DPP10: variants seen among roughly 807,000 people sequenced by gnomAD.
The protein encoded by DPP10 is dipeptidyl peptidase like 10, also known as inactive dipeptidyl peptidase 10.
Under a neutral mutation model 120.9 loss-of-function variants are expected in DPP10, and 33 were observed. That is an observed-to-expected ratio of 0.27 (90% CI 0.21 to 0.37). The LOEUF is 0.37. Ranked by LOEUF, DPP10 falls within the 10% of genes least tolerant of loss-of-function variation. The pLI is 1.00. For missense variants in DPP10, 816 were observed against 942.8 expected, an observed-to-expected ratio of 0.87 and a Z score of 1.76; for synonymous variants, 337 against 326.1, an observed-to-expected ratio of 1.03 and a Z score of -0.36.
At chr2:115,335,898 C>G (rs950536694) in intron 2 of DPP10, among the ~76,000 whole-genome samples, 2 of 151,940 alleles carry the variant, frequency 1.3e-5, no homozygotes, top group African/African-American at 4.8e-5. Context: ...GGGAGAATCA[C>G]GTGAGTAGAA....
At chr2:114,995,757 C>T (rs1701039900) in intron 1 of DPP10, among the ~76,000 whole-genome samples, 2 of 152,302 alleles carry the variant, frequency 1.3e-5, no homozygotes, top group South Asian at 2.1e-4. Context: ...TTAGTAAACA[C>T]ATTAGGTCTG....
intron 11 of DPP10, among the ~76,000 whole-genome samples, chr2:115,759,086 C>T (rs1679781089): frequency 2.0e-5 from 3 of 152,008 alleles, no homozygotes; most frequent in Non-Finnish European, 4.4e-5. Flanking sequence ...TCATCAAAGA[C>T]ACCATTAGGG....
At chr2:114,551,144 T>C (rs755915364) in intron 1 of DPP10, among the ~76,000 whole-genome samples, 2 of 152,176 alleles carry the variant, frequency 1.3e-5, no homozygotes. Context: ...ATGCTTGCTA[T>C]CAAGGATGAT....
intron 3 of DPP10, among the ~76,000 whole-genome samples, chr2:115,463,023 C>T (rs896359468): frequency 3.3e-5 from 5 of 152,274 alleles, no homozygotes; most frequent in Non-Finnish European, 7.3e-5. Context: ...AGCTGCTGCG[C>T]CCAGCCTATA....
intron 1 of DPP10, among the ~76,000 whole-genome samples, chr2:115,088,616 T>A (rs938179109): frequency 1.3e-5 from 2 of 151,604 alleles, no homozygotes; most frequent in Non-Finnish European, 2.9e-5. Context: ...TTGATTTTTT[T>A]AAAATTATCT....
intron 1 of DPP10, among the ~76,000 whole-genome samples, chr2:114,767,196 T>C (rs1195749017): frequency 9.5e-5 from 7 of 73,860 alleles, no homozygotes; most frequent in Non-Finnish European, 1.7e-4. Flanking sequence ...AATGCTCAGG[T>C]AGGATAAAAG....
In DPP10 at chr2:114,669,403, C is replaced by T. The variant is rs188520919; in HGVS notation, c.60+226565C>T. On this transcript the variant is annotated intron_variant, in intron 1 of 25. Coordinates refer to ENST00000410059, the MANE Select transcript of DPP10 (RefSeq NM_020868.6). ...ACATGTATGTTTCTATAATAAAAAC[C>T]TGGGAATTAAGCTGTTGCACTTAAT... 3.7e-4 allele frequency among the ~76,000 whole-genome samples: 57 copies of T among 152,090 alleles called. No homozygotes were observed. The East Asian group carries it at 0.01, about 28-fold the overall frequency.
intron 21 of DPP10, among the ~76,000 whole-genome samples, chr2:115,821,468 G>A (rs13421436): frequency 0.035 from 5,285 of 151,796 alleles, 317 homozygotes; most frequent in African/African-American, 0.12. Context: ...AGCACTTTCC[G>A]ATTGATTTAG....
intron 1 of DPP10, among the ~76,000 whole-genome samples, chr2:115,126,625 G>A (rs1292998587): frequency 3.3e-5 from 5 of 152,126 alleles, no homozygotes; most frequent in African/African-American, 1.2e-4. Context: ...AATCGGAGTT[G>A]TTTTTTACAG....
At chr2:115,510,184 G>A (rs2077151858) in intron 4 of DPP10, among the ~76,000 whole-genome samples, 4 of 152,154 alleles carry the variant, frequency 2.6e-5, no homozygotes, top group African/African-American at 9.6e-5. Context: ...TGATGCACCA[G>A]ATTTAAATGT....
chr2:115,603,570 G>GTTTGTT (rs1553459827), intron 5 of DPP10, among the ~76,000 whole-genome samples: 6 of 99,284 alleles, frequency 6.0e-5, no homozygotes, highest in Non-Finnish European at 1.1e-4. Flanking sequence ...GTTTTTTTTT[G>GTTTGTT]TTTTTTTTTT....
At chr2:115,283,790 T>C (rs1393318323) in intron 1 of DPP10, among the ~76,000 whole-genome samples, 3 of 152,022 alleles carry the variant, frequency 2.0e-5, no homozygotes, top group Non-Finnish European at 4.4e-5. Context: ...TTCAATGAGA[T>C]TTTATTACCA....
At chr2:115,246,443 G>T (rs897313849) in intron 1 of DPP10, among the ~76,000 whole-genome samples, 2 of 152,108 alleles carry the variant, frequency 1.3e-5, no homozygotes, top group Non-Finnish European at 2.9e-5. Flanking sequence ...AGCCTTAAAA[G>T]AATTGGTGGA....
At chr2:114,849,627 C>T (rs1472767051) in intron 1 of DPP10, among the ~76,000 whole-genome samples, 2 of 152,046 alleles carry the variant, frequency 1.3e-5, no homozygotes, top group Non-Finnish European at 2.9e-5. Context: ...GCTGGGATTA[C>T]AGGAGTGAGC....
At chr2:114,861,988 T>G (rs1689842758) in intron 1 of DPP10, among the ~76,000 whole-genome samples, 1 of 152,134 alleles carries the variant, frequency 6.6e-6, no homozygotes, top group Non-Finnish European at 1.5e-5. Context: ...ATCAGTCAAT[T>G]CAAGTGGTAC....
intron 3 of DPP10, among the ~76,000 whole-genome samples, chr2:115,498,862 A>G (rs931204194): frequency 6.6e-6 from 1 of 151,984 alleles, no homozygotes; most frequent in Admixed American, 6.6e-5. Context: ...AAAAGCAATT[A>G]TCTGAAAGAA....
intron 5 of DPP10, among the ~76,000 whole-genome samples, chr2:115,636,076 A>G (rs1186025564): frequency 6.6e-6 from 1 of 151,776 alleles, no homozygotes; most frequent in Non-Finnish European, 1.5e-5. Context: ...TTCTGATGAC[A>G]TGCAATGGGA....
chr2:115,551,349 T>C (rs2079860507), intron 5 of DPP10, among the ~76,000 whole-genome samples: 2 of 152,140 alleles, frequency 1.3e-5, no homozygotes, highest in African/African-American at 4.8e-5. Context: ...GGCTATGATA[T>C]GGGTAGCAAG....
intron 1 of DPP10, among the ~76,000 whole-genome samples, chr2:114,803,691 G>A (rs1012920479): frequency 1.3e-5 from 2 of 152,144 alleles, no homozygotes; most frequent in Non-Finnish European, 2.9e-5. Flanking sequence ...GATGATTTAG[G>A]GCATCTGGCT....
Sources: allele counts gnomAD v4.1 joint callset (sites outside exome capture counted in the v4.1 genomes callset), GRCh38; gene constraint gnomAD v4.1.1; transcripts MANE v1.5; gene names NCBI Gene and HGNC (gene_info 2026-07-23, HGNC 2026-07-21).